Variants in PRKDC observed in about 807,000 individuals in gnomAD.
PRKDC encodes DNA-dependent protein kinase catalytic subunit.
PRKDC carries 82 observed loss-of-function variants against 486.9 expected under a neutral mutation model. That is an observed-to-expected ratio of 0.17 (90% CI 0.14 to 0.20). The LOEUF (loss-of-function observed/expected upper bound fraction) is 0.20, where lower values mean the gene tolerates loss of function less well. Ranked by LOEUF, PRKDC falls within the 10% of genes least tolerant of loss-of-function variation. The pLI is 1.00. For missense variants in PRKDC, 4,504 were observed against 5,038.2 expected (o/e 0.89, Z 3.21); for synonymous variants, 1,895 against 1,837.0 (o/e 1.03, Z -0.81).
chr8:47,852,919 A>AT (rs1220201166), intron 51 of PRKDC, 135 bp from the exon 52 acceptor site: 5 of 652,194 alleles, frequency 7.7e-6, no homozygotes, highest in Non-Finnish European at 1.3e-5. Context: ...TGTGATGCAA[A>AT]TTCCATGCAC....
Position 47,941,137 on chromosome 8 carries a change from AAAAAAAACC to A in PRKDC, c.967-1449_967-1441del, listed in dbSNP as rs1352858089. ...AGAGCAAAACTCCATCTCAAAAAAA[AAAAAAAACC>A]AAAAAAACAGCAACAAAAAAAACAC... is the stretch of plus-strand genomic sequence containing the variant. On this transcript the variant is annotated intron_variant, in intron 10 of 85. Coordinates refer to ENST00000314191, the MANE Select transcript of PRKDC (RefSeq NM_006904.7). Among the ~76,000 whole-genome samples, 18 of 152,088 alleles carry A rather than the reference AAAAAAAACC, an allele frequency of 1.2e-4. No homozygotes were observed. In the East Asian group the frequency reaches 2.7e-3, roughly 23 times the overall value.
In PRKDC at chr8:47,931,983, C is replaced by T. The variant is rs184067450; in HGVS notation, c.1776+1037G>A. On this transcript the variant is annotated intron_variant, in intron 16 of 85. Transcript: ENST00000314191. ...TCAGCTCACTGCAAGCTCCGCCTCC[C>T]GGGTTCACGCCATTCTCCTGCCTCT... Among the ~76,000 whole-genome samples the T allele has an allele frequency of 6.6e-5, 10 of 152,292 alleles. No individual in the cohort carries two copies. The East Asian group carries it at 1.5e-3, about 23-fold the overall frequency.
intron 41 of PRKDC, among the ~76,000 whole-genome samples, chr8:47,863,887 T>C (rs1193256776): frequency 1.3e-5 from 2 of 152,204 alleles, no homozygotes; most frequent in Non-Finnish European, 2.9e-5. Context: ...AATTCTCAGC[T>C]ATTTTGAAGT....
intron 41 of PRKDC, 103 bp from the exon 42 acceptor site, chr8:47,863,680 ATTT>A: frequency 1.0e-6 from 1 of 983,396 alleles, no homozygotes; most frequent in Non-Finnish European, 1.5e-6. Context: ...GACAGACAGA[ATTT>A]TAACAGTCAA....
intron 21 of PRKDC, among the ~76,000 whole-genome samples, chr8:47,921,878 G>C (rs1294041535): frequency 1.3e-5 from 2 of 152,034 alleles, no homozygotes; most frequent in Non-Finnish European, 2.9e-5. Flanking sequence ...CCACCTCCTG[G>C]GTTCAAACAA....
In PRKDC at chr8:47,826,793, G is replaced by A; in HGVS notation, c.8646C>T (p.Ala2882=). 6.2e-7 allele frequency: 1 copy of A among 1,609,598 alleles called. No individual in the cohort carries two copies. Among genetic ancestry groups the A allele is most frequent in the Non-Finnish European group, 8.5e-7 (1 of 1,178,124 alleles). The change falls in exon 63 of 86, where the codon GCC becomes GCT. Residue 2882 remains alanine, a synonymous_variant. Coordinates refer to ENST00000314191, the MANE Select transcript of PRKDC (RefSeq NM_006904.7). ...DPAAVSAGCL[A]SLQQPVGIRL... The stretch of plus-strand genomic sequence containing the variant: ...GGATGCCCACGGGCTGCTGTAGGCT[G>A]GCCAGGCAACCAGCGCTAACAGCCG...
At position 47,900,302 on chromosome 8, in the gene PRKDC, C is replaced by T. The variant is rs577872061; in HGVS notation, c.3364+71G>A. ...AAAAAAACCTTATAAGAGAATCACACGAGCCTTAACTCCTCATTGGGGAAA... is the reference window on the plus strand; with the variant it reads ...AAAAAAACCTTATAAGAGAATCACATGAGCCTTAACTCCTCATTGGGGAAA... On this transcript the variant is annotated intron_variant, in intron 28 of 85. Transcript: ENST00000314191. 30 of 1,085,740 alleles carry T rather than the reference C, an allele frequency of 2.8e-5. No homozygotes were observed. The Admixed American group carries it at 3.1e-4, about 11-fold the overall frequency. The allele number at this position is 1,085,740 out of a possible 1,614,324, so 67.3% of individuals were successfully genotyped here.
chr8:47,913,858 G>A, intron 24 of PRKDC, 43 bp downstream of exon 24: 2 of 1,520,444 alleles, frequency 1.3e-6, no homozygotes, highest in Non-Finnish European at 1.8e-6. Context: ...TATTTTTAAA[G>A]CAATAGGATC....
chr8:47,873,227 C>CAAAAAA (rs60385860), intron 40 of PRKDC, among the ~76,000 whole-genome samples: 7 of 71,064 alleles, frequency 9.9e-5, no homozygotes, highest in East Asian at 4.2e-4. Context: ...GACTCCATCT[C>CAAAAAA]AAAAAAAAAA....
rs55793951 is a variant in PRKDC, at chr8:47,807,291, G to A, written c.9593C>T (p.Thr3198Ile). The A allele has an allele frequency of 6.3e-7, 1 of 1,599,860 alleles. No individual in the cohort carries two copies. The highest frequency in any genetic ancestry group is 1.7e-5 in the Admixed American group (1 of 58,504). ...CATACTATTATCTTCTGGAAGAGGG[G>A]TAAGCTTCTCCTCTATTTTGCTGAG... The part of the protein sequence containing the change: ...FFLSKIEEKL[T>I]PLPEDNSMNV... Residue 3198 changes from threonine to isoleucine, a missense_variant, in exon 69 of 86, where the codon ACC (threonine) becomes ATC (isoleucine). Thr to Ile is a moderately conservative substitution (Grantham distance 89, BLOSUM62 -1). Around this residue, in one of 6 missense-constraint regions of PRKDC, gnomAD observed 1,592 missense variants for 1,724.6 expected, o/e 0.92. Coordinates refer to ENST00000314191, the MANE Select transcript of PRKDC (RefSeq NM_006904.7).
At chr8:47,800,275 G>T in intron 71 of PRKDC, among the ~76,000 whole-genome samples, 1 of 151,940 alleles carries the variant, frequency 6.6e-6, no homozygotes, top group East Asian at 1.9e-4. Flanking sequence ...ATACTATGCA[G>T]CCATAAAAAA....
chr8:47,895,934 G>A (rs1312755022), intron 30 of PRKDC, among the ~76,000 whole-genome samples: 1 of 152,088 alleles, frequency 6.6e-6, no homozygotes, highest in South Asian at 2.1e-4. Context: ...AGCTACTCTG[G>A]AGGATGAGGC....
At position 47,854,210 on chromosome 8, in the gene PRKDC, T is replaced by C. The variant is rs1192964135; in HGVS notation, c.6766A>G (p.Ile2256Val). 1.9e-6 allele frequency: 3 copies of C among 1,612,718 alleles called. No individual in the cohort carries two copies. Among genetic ancestry groups the C allele is most frequent in the Non-Finnish European group, 1.7e-6 (2 of 1,178,836 alleles). ...TCTTTACCGGAAAACTTTTCAAATA[T>C]TAACCTGAAACATAAGCACAAAGGA... ...KDCLSIPYRL[I>V]FEKFSGKDPN... The change falls in exon 51 of 86, where the codon ATA (isoleucine) becomes GTA (valine). Residue 2256 changes from isoleucine to valine, a missense_variant. Around this residue, in one of 6 missense-constraint regions of PRKDC, gnomAD observed 1,592 missense variants for 1,724.6 expected, o/e 0.92. Coordinates refer to ENST00000314191, the MANE Select transcript of PRKDC (RefSeq NM_006904.7).
At chr8:47,958,454 C>A (rs1446939979) in intron 1 of PRKDC, among the ~76,000 whole-genome samples, 1 of 152,122 alleles carries the variant, frequency 6.6e-6, no homozygotes, top group Non-Finnish European at 1.5e-5. Flanking sequence ...CAGACCTGTG[C>A]TGTTTTAAAC....
At chr8:47,819,851 TTCC>T (rs1210670831) in intron 66 of PRKDC, among the ~76,000 whole-genome samples, 2 of 152,152 alleles carry the variant, frequency 1.3e-5, no homozygotes, top group East Asian at 3.8e-4. Flanking sequence ...TTTGATAAAC[TTCC>T]TCAAGAGTGC....
rs189887419 is a variant in PRKDC, at chr8:47,934,027, C to G, written c.1561G>C (p.Val521Leu). 42 of 1,613,710 alleles carry G rather than the reference C, an allele frequency of 2.6e-5. No individual in the cohort carries two copies. In the African/African-American group the frequency reaches 5.2e-4, roughly 20 times the overall value. ...TCCACGTAGTCTTTGTATGTGGGCA[C>G]CTTCCATTTGCCAGTTCTGACTTCC... The part of the protein sequence containing the change: ...SGEVRTGKWK[V>L]PTYKDYVDLF... Residue 521 changes from valine (V) to leucine (L), a missense_variant, in exon 15 of 86, where the codon GTG (valine) becomes CTG (leucine). Physicochemically the swap from Val to Leu is conservative, Grantham distance 32 (BLOSUM62 1). Transcript: ENST00000314191.
intron 38 of PRKDC, 132 bp from the exon 39 acceptor site, chr8:47,879,790 T>G: frequency 1.8e-6 from 1 of 563,088 alleles, no homozygotes; most frequent in Non-Finnish European, 2.7e-6. Flanking sequence ...CCATAATTTC[T>G]AAATTATATT....
chr8:47,904,260 A>G (rs185765955), intron 26 of PRKDC, among the ~76,000 whole-genome samples: 123 of 152,128 alleles, frequency 8.1e-4, no homozygotes, highest in African/African-American at 2.9e-3. Context: ...AATTCTTCTT[A>G]TTCTTTGTTT....
At chr8:47,886,181 G>A (rs1451698928) in intron 35 of PRKDC, 34 bp from the exon 36 acceptor site, 1 of 1,520,250 alleles carries the variant, frequency 6.6e-7, no homozygotes. Context: ...CCATAACTGG[G>A]GCACATCTTT....
Sources: allele counts gnomAD v4.1 joint callset (sites outside exome capture counted in the v4.1 genomes callset), GRCh38; gene constraint gnomAD v4.1.1; regional missense constraint gnomAD v4.1.1; transcripts MANE v1.5; gene names NCBI Gene and HGNC (gene_info 2026-07-23, HGNC 2026-07-21).